Variants in RBFOX1 observed in about 807,000 individuals in gnomAD.
RBFOX1 encodes the protein RNA binding protein fox-1 homolog 1.
RBFOX1 carries 8 observed loss-of-function variants against 57.7 expected under a neutral mutation model. The ratio of observed to expected loss-of-function variants is 0.14; its 90% CI spans 0.08 to 0.25. The LOEUF (loss-of-function observed/expected upper bound fraction) is 0.25. Ranked by LOEUF, RBFOX1 falls within the 10% of genes least tolerant of loss-of-function variation. The pLI is 1.00. For missense variants in RBFOX1, 611 were observed against 548.5 expected (o/e 1.11, Z -1.14); for synonymous variants, 326 against 222.4 (o/e 1.47, Z -4.15).
chr16:5,817,766 C>T (rs1218265750), intron 3 of RBFOX1, among the ~76,000 whole-genome samples: 1 of 149,490 alleles, frequency 6.7e-6, no homozygotes, highest in Non-Finnish European at 1.5e-5. Flanking sequence ...GCAGTCTGGG[C>T]TCACTGCAGC....
intron 3 of RBFOX1, among the ~76,000 whole-genome samples, chr16:6,848,516 C>G (rs977391381): frequency 2.6e-5 from 4 of 150,956 alleles, no homozygotes; most frequent in African/African-American, 7.3e-5. Flanking sequence ...CATTATTGGT[C>G]AAATCTAAAT....
intron 8 of RBFOX1, 53 bp downstream of exon 8, chr16:7,595,694 C>T (rs1453473766): frequency 3.4e-6 from 5 of 1,455,022 alleles, no homozygotes; most frequent in South Asian, 1.4e-5. Context: ...GTCTGCTTCA[C>T]GCTCATTCGT....
At chr16:5,908,352 GTCTGTGTGTGTT>G (rs1339593323) in intron 4 of RBFOX1, among the ~76,000 whole-genome samples, 12 of 80,962 alleles carry the variant, frequency 1.5e-4, no homozygotes, top group Admixed American at 6.1e-4. Context: ...GTGTGTGTGT[GTCTGTGTGTGTT>G]TTTTGTAAGA....
chr16:5,842,637 T>C (rs1317156162), intron 3 of RBFOX1, among the ~76,000 whole-genome samples: 27 of 152,126 alleles, frequency 1.8e-4, no homozygotes, highest in Admixed American at 1.8e-3. Context: ...TAATAGAAAA[T>C]AATGAGGTCC....
chr16:6,658,212 T>C (rs1236147840), intron 3 of RBFOX1, among the ~76,000 whole-genome samples: 1 of 152,020 alleles, frequency 6.6e-6, no homozygotes, highest in Admixed American at 6.6e-5. Flanking sequence ...GAAGATAAAC[T>C]GTGAATTTCA....
intron 4 of RBFOX1, among the ~76,000 whole-genome samples, chr16:7,368,289 G>C (rs2097501147): frequency 6.6e-6 from 1 of 150,774 alleles, no homozygotes; most frequent in Non-Finnish European, 1.5e-5. Flanking sequence ...AGAGAGAGAA[G>C]AAAGGCCGTA....
At chr16:6,383,875 T>A (rs2109460) in intron 2 of RBFOX1, among the ~76,000 whole-genome samples, 36,606 of 151,976 alleles carry the variant, frequency 0.24, 8,124 homozygotes, top group African/African-American at 0.59. Context: ...ACTAAGCAGA[T>A]GGTGGGATCT....
intron 5 of RBFOX1, among the ~76,000 whole-genome samples, chr16:7,545,357 C>T (rs1487407970): frequency 6.6e-6 from 1 of 151,988 alleles, no homozygotes; most frequent in African/African-American, 2.4e-5. Context: ...TCCTCTTGGC[C>T]CCTTGCTCAC....
intron 3 of RBFOX1, among the ~76,000 whole-genome samples, chr16:5,743,331 A>T (rs2052848768): frequency 6.6e-6 from 1 of 152,170 alleles, no homozygotes; most frequent in South Asian, 2.1e-4. Flanking sequence ...GCTGAAATCA[A>T]ATGTCATTAC....
At chr16:5,511,081 A>T (rs2151722426) in intron 2 of RBFOX1, among the ~76,000 whole-genome samples, 1 of 152,314 alleles carries the variant, frequency 6.6e-6, no homozygotes, top group Non-Finnish European at 1.5e-5. Context: ...CGTGAAAAAA[A>T]ACAGTGTGGT....
chr16:7,059,128 C>T (rs1246848197), intron 4 of RBFOX1, among the ~76,000 whole-genome samples: 1 of 152,192 alleles, frequency 6.6e-6, no homozygotes, highest in African/African-American at 2.4e-5. Flanking sequence ...TTCATCTGGA[C>T]ATCAGATAAT....
intron 4 of RBFOX1, among the ~76,000 whole-genome samples, chr16:7,279,878 A>G (rs556505575): frequency 4.3e-4 from 66 of 152,326 alleles, no homozygotes; most frequent in African/African-American, 1.6e-3. Flanking sequence ...GAAGGCTGAA[A>G]GGGAAATTGA....
At chr16:6,650,751 CTG>C (rs902216432) in intron 2 of RBFOX1, among the ~76,000 whole-genome samples, 1 of 152,170 alleles carries the variant, frequency 6.6e-6, no homozygotes, top group Non-Finnish European at 1.5e-5. Context: ...CTAGAATTTG[CTG>C]TGTTTACTAA....
chr16:7,485,416 A>G (rs375851586), intron 4 of RBFOX1, among the ~76,000 whole-genome samples: 44 of 152,310 alleles, frequency 2.9e-4, no homozygotes, highest in Middle Eastern at 3.4e-3. Context: ...TTGAATTACA[A>G]ATAGATTAAC....
intron 1 of RBFOX1, among the ~76,000 whole-genome samples, chr16:5,291,336 C>T (rs1386876509): frequency 1.4e-5 from 2 of 145,282 alleles, no homozygotes; most frequent in African/African-American, 2.6e-5. Flanking sequence ...GATCTCTGCT[C>T]ACTGCAAGCT....
At chr16:5,871,670 C>T (rs538371978) in intron 4 of RBFOX1, among the ~76,000 whole-genome samples, 1 of 152,230 alleles carries the variant, frequency 6.6e-6, no homozygotes, top group Admixed American at 6.5e-5. Context: ...TGAGACCCAG[C>T]CCCACGTTGT....
intron 1 of RBFOX1, among the ~76,000 whole-genome samples, chr16:6,300,997 G>A (rs959184235): frequency 6.6e-6 from 1 of 152,130 alleles, no homozygotes; most frequent in Admixed American, 6.5e-5. Flanking sequence ...GGATTAATGA[G>A]TGGATGTGCA....
At chr16:7,433,634 A>G (rs1484586327) in intron 4 of RBFOX1, among the ~76,000 whole-genome samples, 1 of 152,180 alleles carries the variant, frequency 6.6e-6, no homozygotes, top group Non-Finnish European at 1.5e-5. Context: ...TGTCTGGGAG[A>G]TAGGTTACCA....
chr16:6,809,049 G>C (rs897149957), intron 3 of RBFOX1, among the ~76,000 whole-genome samples: 20 of 152,134 alleles, frequency 1.3e-4, no homozygotes, highest in African/African-American at 4.6e-4. Context: ...GTTGAGTCTT[G>C]GCCAATCCCA....
Sources: gnomAD v4.1 joint callset for allele counts (sites outside exome capture counted in the v4.1 genomes callset) on GRCh38, gnomAD v4.1.1 for gene constraint, MANE v1.5 for transcripts, NCBI Gene and HGNC (gene_info 2026-07-23, HGNC 2026-07-21) for gene names.